Variants in GSG1L observed in about 807,000 individuals in gnomAD.
GSG1L encodes GSG1 like.
In GSG1L, 24 loss-of-function variants were observed where a neutral mutation model predicts 42.1. That is an observed-to-expected ratio of 0.57 (90% CI 0.41 to 0.80). The LOEUF (loss-of-function observed/expected upper bound fraction) is 0.80. Among genes scored for constraint, GSG1L ranks in the 30% least tolerant of loss-of-function variants. The pLI, the probability that GSG1L is intolerant of heterozygous loss-of-function variation, is 0.00. For synonymous variants in GSG1L, 215 were observed against 203.5 expected, an observed-to-expected ratio of 1.06 and a Z score of -0.48; for missense variants, 445 against 472.2, an observed-to-expected ratio of 0.94 and a Z score of 0.53.
intron 3 of GSG1L, among the ~76,000 whole-genome samples, chr16:27,869,548 C>A (rs1364112587): frequency 7.6e-6 from 1 of 130,938 alleles, no homozygotes; most frequent in African/African-American, 3.0e-5. Flanking sequence ...CTCTGTCTCC[C>A]TTCATCTCTC....
intron 4 of GSG1L, among the ~76,000 whole-genome samples, chr16:27,836,627 C>T (rs949809203): frequency 3.3e-5 from 5 of 152,118 alleles, no homozygotes; most frequent in Admixed American, 2.6e-4. Flanking sequence ...TTGTCCCTTC[C>T]ATTCTGCTGT....
intron 1 of GSG1L, among the ~76,000 whole-genome samples, chr16:28,055,751 T>C (rs2086271948): frequency 6.6e-6 from 1 of 152,180 alleles, no homozygotes; most frequent in South Asian, 2.1e-4. Context: ...ATTACAGGCA[T>C]GAGCCACCAC....
intron 2 of GSG1L, among the ~76,000 whole-genome samples, chr16:27,901,363 A>T (rs2084255385): frequency 6.6e-6 from 1 of 152,214 alleles, no homozygotes; most frequent in African/African-American, 2.4e-5. Context: ...TTGCCACCAC[A>T]CGTCACAGAG....
intron 1 of GSG1L, among the ~76,000 whole-genome samples, chr16:28,005,922 G>A (rs778631038): frequency 6.6e-6 from 1 of 152,230 alleles, no homozygotes; most frequent in South Asian, 2.1e-4. Flanking sequence ...GACTTTGCAG[G>A]TGTAATTAAG....
At position 27,791,613 on chromosome 16, in the gene GSG1L, C is replaced by T. The variant is rs138108152; in HGVS notation, c.899-146G>A. 587 of 469,622 alleles carry T rather than the reference C, an allele frequency of 1.2e-3. 1 individual carries two copies. The highest frequency in any genetic ancestry group is 1.8e-3 in the Non-Finnish European group (495 of 274,600). The allele number at this position is 469,622 out of a possible 1,614,324, so 29.1% of individuals were successfully genotyped here. The stretch of plus-strand genomic sequence containing the variant: ...CATGCCTTTTGTCTACCGATCCATG[C>T]CCAACACCACCAGCTCTCCACCCAT... On this transcript the variant is annotated intron_variant, in intron 6 of 6. Coordinates refer to ENST00000447459, the MANE Select transcript of GSG1L (RefSeq NM_001109763.2).
chr16:27,876,896 T>G (rs2083894660), intron 3 of GSG1L, among the ~76,000 whole-genome samples: 1 of 152,246 alleles, frequency 6.6e-6, no homozygotes, highest in African/African-American at 2.4e-5. Flanking sequence ...ACAAAATAGA[T>G]GCTTGCTGAT....
chr16:27,961,872 G>A (rs896083857), intron 2 of GSG1L, among the ~76,000 whole-genome samples: 17 of 152,098 alleles, frequency 1.1e-4, no homozygotes, highest in African/African-American at 3.1e-4. Context: ...CTGAGGGCCC[G>A]GTGGGTTCCC....
intron 1 of GSG1L, among the ~76,000 whole-genome samples, chr16:28,043,045 C>G (rs986375810): frequency 6.6e-6 from 1 of 152,190 alleles, no homozygotes; most frequent in Admixed American, 6.5e-5. Flanking sequence ...CACCGAGCTC[C>G]AGAAAGTTAA....
In GSG1L at chr16:27,789,625, T is replaced by C. The variant is rs754457343; in HGVS notation, c.*1745A>G. The C allele has an allele frequency of 6.6e-6, 1 of 151,242 alleles. No individual in the cohort carries two copies. The highest frequency in any genetic ancestry group is 1.5e-5 in the Non-Finnish European group (1 of 67,854). 9.4% of individuals were successfully genotyped at this position (151,242 alleles called of 1,614,324 possible). A position where few individuals can be genotyped will look rare whatever the true frequency, so the allele number is the denominator to read the frequency against. ...GATGGAGGAATGGATAATGGATAAA[T>C]AGCTAACGAATGGGTGGATGGATGA... On this transcript the variant is annotated 3_prime_UTR_variant, in exon 7 of 7. Transcript: ENST00000447459.
chr16:27,791,181 G>GCCCTGGCC lies in GSG1L; in HGVS notation c.*181_*188dup, dbSNP rs1402446817. ...CAGCCCTGTGCATTCCCTTGGGCCT[G>GCCCTGGCC]CCCTGGCCCCATTTCCAAGGCCATG... On this transcript the variant is annotated 3_prime_UTR_variant, in exon 7 of 7. Transcript: ENST00000447459. 2.5e-6 allele frequency: 1 copy of GCCCTGGCC among 404,754 alleles called. No individual in the cohort carries two copies. Among genetic ancestry groups the GCCCTGGCC allele is most frequent in the Non-Finnish European group, 4.4e-6 (1 of 229,624 alleles). 25.1% of individuals were successfully genotyped at this position (404,754 alleles called of 1,614,324 possible).
chr16:27,999,849 G>A (rs868322675), intron 1 of GSG1L, among the ~76,000 whole-genome samples: 1 of 152,154 alleles, frequency 6.6e-6, no homozygotes, highest in African/African-American at 2.4e-5. Flanking sequence ...GAAAGTAGAG[G>A]GAGGACACAC....
chr16:27,868,911 G>A (rs1394220893), intron 3 of GSG1L, among the ~76,000 whole-genome samples: 4 of 152,190 alleles, frequency 2.6e-5, no homozygotes, highest in African/African-American at 9.7e-5. Flanking sequence ...TTCAGCCTCC[G>A]AGAAGGGCCT....
At chr16:27,960,678 T>C (rs2085059445) in intron 2 of GSG1L, among the ~76,000 whole-genome samples, 1 of 152,062 alleles carries the variant, frequency 6.6e-6, no homozygotes, top group African/African-American at 2.4e-5. Flanking sequence ...GCCACGTTAC[T>C]GCGGGTGTCT....
chr16:28,061,866 C>T (rs954921457), intron 1 of GSG1L, among the ~76,000 whole-genome samples: 4 of 152,130 alleles, frequency 2.6e-5, no homozygotes, highest in Non-Finnish European at 5.9e-5. Flanking sequence ...GGAGGTGGGG[C>T]GGGGAAGGGC....
At chr16:27,823,861 C>T (rs746821296) in intron 5 of GSG1L, 39 of 702,868 alleles carry the variant, frequency 5.5e-5, no homozygotes, top group South Asian at 5.5e-4. Context: ...CTGGCACTTA[C>T]CAGCTGTGTG....
At chr16:27,904,391 C>T (rs1321930078) in intron 2 of GSG1L, among the ~76,000 whole-genome samples, 2 of 152,084 alleles carry the variant, frequency 1.3e-5, no homozygotes, top group Non-Finnish European at 2.9e-5. Context: ...GCCTAAATGT[C>T]ACTTCTCAGT....
chr16:27,950,941 C>T (rs567618301), intron 2 of GSG1L, among the ~76,000 whole-genome samples: 2 of 152,320 alleles, frequency 1.3e-5, no homozygotes, highest in Non-Finnish European at 2.9e-5. Context: ...CTCTGTCTCC[C>T]CTCACGGATT....
chr16:28,042,363 G>A (rs1034931473), intron 1 of GSG1L, among the ~76,000 whole-genome samples: 7 of 151,854 alleles, frequency 4.6e-5, no homozygotes, highest in African/African-American at 1.7e-4. Flanking sequence ...TTGAACCCGG[G>A]GGGCGGAGGT....
At chr16:27,920,726 C>T (rs1321671639) in intron 2 of GSG1L, among the ~76,000 whole-genome samples, 2 of 152,208 alleles carry the variant, frequency 1.3e-5, no homozygotes, top group Non-Finnish European at 2.9e-5. Context: ...GAAAGGCCCT[C>T]AGGGAACCTG....
Sources: allele counts gnomAD v4.1 joint callset (sites outside exome capture counted in the v4.1 genomes callset), GRCh38; gene constraint gnomAD v4.1.1; transcripts MANE v1.5; gene names NCBI Gene and HGNC (gene_info 2026-07-23, HGNC 2026-07-21).